Variants in SH3D19 observed in about 807,000 individuals in gnomAD.
SH3D19 encodes the protein SH3 domain-containing protein 19.
A neutral mutation model predicts 112.1 loss-of-function variants in SH3D19; 58 were observed. That is an observed-to-expected ratio of 0.52 (90% CI 0.42 to 0.64). The LOEUF is 0.64. Among genes scored for constraint, SH3D19 ranks in the 30% least tolerant of loss-of-function variants. The pLI is 0.00. For missense variants in SH3D19, 1,090 were observed against 1,263.4 expected, an observed-to-expected ratio of 0.86 and a Z score of 2.08; for synonymous variants, 391 against 448.5, an observed-to-expected ratio of 0.87 and a Z score of 1.62.
At chr4:151,219,541 C>A (rs1767688864) in intron 2 of SH3D19, among the ~76,000 whole-genome samples, 1 of 152,168 alleles carries the variant, frequency 6.6e-6, no homozygotes, top group South Asian at 2.1e-4. Flanking sequence ...GAGTTCTGTG[C>A]CAATTCCATG....
At chr4:151,319,513 T>G (rs1408781937) in intron 1 of SH3D19, among the ~76,000 whole-genome samples, 1 of 152,108 alleles carries the variant, frequency 6.6e-6, no homozygotes, top group Non-Finnish European at 1.5e-5. Context: ...ACTAATGCAG[T>G]TTTCAAAACT....
chr4:151,313,711 T>G (rs1729721848), intron 1 of SH3D19, among the ~76,000 whole-genome samples: 1 of 152,190 alleles, frequency 6.6e-6, no homozygotes, highest in South Asian at 2.1e-4. Flanking sequence ...CTGGCAATAG[T>G]TACACTTTCA....
At chr4:151,218,688 C>G (rs1767536122) in intron 2 of SH3D19, among the ~76,000 whole-genome samples, 1 of 152,122 alleles carries the variant, frequency 6.6e-6, no homozygotes, top group Non-Finnish European at 1.5e-5. Flanking sequence ...CTTTCCTGGC[C>G]CATTCATTTG....
At chr4:151,273,500 G>C (rs1773367285) in intron 1 of SH3D19, among the ~76,000 whole-genome samples, 1 of 144,306 alleles carries the variant, frequency 6.9e-6, no homozygotes. Context: ...TGAGGCAGGT[G>C]AATCGCTTGA....
chr4:151,297,772 A>G (rs1333728000), intron 1 of SH3D19, among the ~76,000 whole-genome samples: 2 of 152,218 alleles, frequency 1.3e-5, no homozygotes, highest in African/African-American at 2.4e-5. Context: ...AATCCCCAGA[A>G]TCTGTGAATA....
intron 2 of SH3D19, among the ~76,000 whole-genome samples, chr4:151,225,546 T>TA (rs1283810987): frequency 5.9e-5 from 9 of 152,206 alleles, no homozygotes; most frequent in Non-Finnish European, 1.3e-4. Context: ...CATACATATA[T>TA]AATCTAAAAG....
intron 1 of SH3D19, among the ~76,000 whole-genome samples, chr4:151,237,010 T>G (rs1348737845): frequency 1.3e-5 from 2 of 152,218 alleles, no homozygotes; most frequent in Non-Finnish European, 2.9e-5. Flanking sequence ...TGAAGTCCCC[T>G]TCCATACTGT....
In SH3D19 at chr4:151,148,187, C is replaced by A; in HGVS notation, c.1818-1G>T. The A allele has an allele frequency of 1.3e-6, 2 of 1,596,080 alleles. No homozygotes were observed. The highest frequency in any genetic ancestry group is 2.3e-5 in the South Asian group (2 of 87,580). On this transcript the variant is annotated splice_acceptor_variant, in intron 10 of 19. Coordinates refer to ENST00000604030, the MANE Select transcript of SH3D19 (RefSeq NM_001378122.1). LOFTEE classifies it high-confidence loss of function. ...TGGAATGGTTTTTCCATTCACAGGTCTGAAAGTCAATGTAGTAGCCATGAG... is the reference window on the plus strand; with the variant it reads ...TGGAATGGTTTTTCCATTCACAGGTATGAAAGTCAATGTAGTAGCCATGAG...
At chr4:151,231,670 C>CACTGCAGGGGAGAAATAAGACAT (rs1318359078) in intron 1 of SH3D19, among the ~76,000 whole-genome samples, 1 of 152,090 alleles carries the variant, frequency 6.6e-6, no homozygotes. Context: ...TGTCAGTTAC[C>CACTGCAGGGGAGAAATAAGACAT]ACTGCAGGGG....
intron 14 of SH3D19, 102 bp from the exon 15 acceptor site, chr4:151,135,234 GT>G: frequency 1.2e-6 from 1 of 842,732 alleles, no homozygotes; most frequent in Non-Finnish European, 1.8e-6. Context: ...AAATCGATCG[GT>G]TTAGCTAGGT....
chr4:151,318,723 A>G (rs1462851996), intron 1 of SH3D19, among the ~76,000 whole-genome samples: 8 of 152,338 alleles, frequency 5.3e-5, no homozygotes. Flanking sequence ...ACCCAATGCA[A>G]TAGGATTTAC....
chr4:151,237,778 G>T (rs1770242295), intron 1 of SH3D19, among the ~76,000 whole-genome samples: 1 of 152,032 alleles, frequency 6.6e-6, no homozygotes, highest in Non-Finnish European at 1.5e-5. Context: ...TAATATTGTG[G>T]GCAGAATTAC....
intron 19 of SH3D19, among the ~76,000 whole-genome samples, 164 bp from the exon 20 acceptor site, chr4:151,122,371 C>A (rs1748107464): frequency 6.6e-6 from 1 of 152,130 alleles, no homozygotes; most frequent in South Asian, 2.1e-4. Flanking sequence ...ATGCCATTTG[C>A]TTGTAAGCCT....
chr4:151,259,232 C>T (rs1288134889), intron 1 of SH3D19, among the ~76,000 whole-genome samples: 1 of 152,108 alleles, frequency 6.6e-6, no homozygotes, highest in East Asian at 1.9e-4. Flanking sequence ...CCTTCCACAT[C>T]CAATGCACAT....
At chr4:151,265,237 A>C (rs1772682875) in intron 1 of SH3D19, among the ~76,000 whole-genome samples, 1 of 152,176 alleles carries the variant, frequency 6.6e-6, no homozygotes, top group Admixed American at 6.6e-5. Context: ...ACATCTTGTT[A>C]GAATTTTTGC....
At chr4:151,301,075 G>A (rs1271118627) in intron 1 of SH3D19, among the ~76,000 whole-genome samples, 1 of 152,206 alleles carries the variant, frequency 6.6e-6, no homozygotes, top group Non-Finnish European at 1.5e-5. Context: ...TTGGATCTGT[G>A]TCCCCACCCA....
At chr4:151,123,755 A>T (rs1476107018) in intron 19 of SH3D19, among the ~76,000 whole-genome samples, 4 of 152,154 alleles carry the variant, frequency 2.6e-5, no homozygotes, top group Non-Finnish European at 5.9e-5. Context: ...GTTTCTAAAC[A>T]TTTCTTAGAA....
chr4:151,138,578 C>T (rs1218381106), intron 13 of SH3D19, among the ~76,000 whole-genome samples: 2 of 151,498 alleles, frequency 1.3e-5, no homozygotes, highest in Non-Finnish European at 2.9e-5. Flanking sequence ...CCCTGTAGTC[C>T]TAGCTACTGG....
rs1157924165 is a variant in SH3D19, at chr4:151,143,976, G to A, written c.2157C>T (p.Gly719=). 2 of 1,613,920 alleles carry A rather than the reference G, an allele frequency of 1.2e-6. No individual in the cohort carries two copies. Among genetic ancestry groups the A allele is most frequent in the Non-Finnish European group, 1.7e-6 (2 of 1,179,990 alleles). Residue 719 remains glycine, a synonymous_variant, in exon 12 of 20, where the codon GGC becomes GGT. Transcript: ENST00000604030. ...YLECQKGEDT[G]RVHLSQMKII... is the part of the protein sequence containing the mutation. ...TCTTCATTTGAGACAGGTGAACTCT[G>A]CCAGTGTCTTCTCCCTTTTGGCACT... is the stretch of plus-strand genomic sequence containing the variant.
Sources: allele counts gnomAD v4.1 joint callset (sites outside exome capture counted in the v4.1 genomes callset), GRCh38; gene constraint gnomAD v4.1.1; transcripts MANE v1.5; gene names NCBI Gene and HGNC (gene_info 2026-07-23, HGNC 2026-07-21).